The following AKAP6 variants were observed in gnomAD, a reference collection of about 807,000 sequenced individuals.
AKAP6 encodes the protein A-kinase anchor protein 6.
AKAP6 carries 58 observed loss-of-function variants against 188.5 expected under a neutral mutation model. The ratio of observed to expected loss-of-function variants is 0.31; its 90% CI spans 0.25 to 0.38. AKAP6 has a LOEUF of 0.38. AKAP6 is among the 10% of genes least tolerant of loss of function. The probability of loss-of-function intolerance (pLI) is 1.00; values close to 1 mark genes in which losing one functional copy is unlikely to be tolerated. For synonymous variants in AKAP6, 989 were observed against 998.6 expected (o/e 0.99, Z 0.18); for missense variants, 2,710 against 2,740.0 (o/e 0.99, Z 0.24).
At chr14:32,507,441 G>A (rs1032827600) in intron 2 of AKAP6, among the ~76,000 whole-genome samples, 5 of 152,028 alleles carry the variant, frequency 3.3e-5, no homozygotes, top group Non-Finnish European at 7.4e-5. Flanking sequence ...TTAAAATAAG[G>A]GTGTTGGAAA....
At position 32,735,714 on chromosome 14, in the gene AKAP6, A is replaced by C. The variant is rs1391798566; in HGVS notation, c.3204A>C (p.Pro1068=). The change falls in exon 11 of 14, where the codon CCA becomes CCC. Residue 1068 remains proline, a synonymous_variant. Transcript: ENST00000280979. ...TGGCAGGGCACAGTGGGTCGAGTCCACGTGACCTGCTCTCTCCTGAAAGTG... is the reference window on the plus strand; with the variant it reads ...TGGCAGGGCACAGTGGGTCGAGTCCCCGTGACCTGCTCTCTCCTGAAAGTG... The part of the protein sequence containing the change: ...DTMAGHSGSS[P]RDLLSPESGS... The C allele has an allele frequency of 6.2e-7, 1 of 1,613,412 alleles. No individual in the cohort carries two copies. Among genetic ancestry groups the C allele is most frequent in the African/African-American group, 1.3e-5 (1 of 74,844 alleles).
intron 2 of AKAP6, among the ~76,000 whole-genome samples, chr14:32,475,949 C>T (rs1159168538): frequency 6.6e-6 from 1 of 152,036 alleles, no homozygotes; most frequent in African/African-American, 2.4e-5. Flanking sequence ...TCCCAAAGTG[C>T]TGGGATTACA....
chr14:32,590,081 A>G (rs190624268), intron 5 of AKAP6, among the ~76,000 whole-genome samples: 1 of 152,318 alleles, frequency 6.6e-6, no homozygotes, highest in East Asian at 1.9e-4. Flanking sequence ...CCTATTCTAT[A>G]TCTATAGGGT....
intron 2 of AKAP6, among the ~76,000 whole-genome samples, chr14:32,519,678 G>A (rs1196226011): frequency 6.6e-6 from 1 of 152,138 alleles, no homozygotes. Context: ...CAATACAGGA[G>A]TACCCAGATT....
intron 4 of AKAP6, among the ~76,000 whole-genome samples, chr14:32,573,766 C>T (rs963830073): frequency 6.6e-6 from 1 of 152,028 alleles, no homozygotes; most frequent in Non-Finnish European, 1.5e-5. Context: ...TCCTTATTTT[C>T]TTTCATTCAC....
intron 3 of AKAP6, among the ~76,000 whole-genome samples, chr14:32,542,224 G>T (rs890006462): frequency 2.2e-4 from 34 of 152,152 alleles, no homozygotes; most frequent in Non-Finnish European, 2.4e-4. Flanking sequence ...TCGAAACTTG[G>T]GCTTTTAATT....
chr14:32,495,776 G>A (rs1880285056), intron 2 of AKAP6, among the ~76,000 whole-genome samples: 1 of 152,180 alleles, frequency 6.6e-6, no homozygotes, highest in African/African-American at 2.4e-5. Flanking sequence ...TGTTAAGCCT[G>A]TTAGTATATT....
intron 1 of AKAP6, among the ~76,000 whole-genome samples, chr14:32,404,970 A>G (rs559573416): frequency 7.5e-4 from 114 of 151,560 alleles, no homozygotes; most frequent in African/African-American, 2.7e-3. Flanking sequence ...GAGAATGTTG[A>G]GAACTAGCTG....
At chr14:32,725,382 C>T (rs913898770) in intron 9 of AKAP6, among the ~76,000 whole-genome samples, 8 of 152,238 alleles carry the variant, frequency 5.3e-5, no homozygotes, top group African/African-American at 1.7e-4. Context: ...CCCTTGGGCA[C>T]GTCAAAGCTT....
Position 32,829,977 on chromosome 14 carries a change from T to C in AKAP6, c.*172T>C, listed in dbSNP as rs771453141. On this transcript the variant is annotated 3_prime_UTR_variant, in exon 14 of 14. Coordinates refer to ENST00000280979, the MANE Select transcript of AKAP6 (RefSeq NM_004274.5). ...GATGAATCTTCCTTCCAAATGTGTT[T>C]TCTCCACACAAGCCTTGTGATCTGA... 11 of 702,716 alleles carry C rather than the reference T, an allele frequency of 1.6e-5. No individual in the cohort carries two copies. In the South Asian group the frequency reaches 1.6e-4, roughly 10 times the overall value. The allele number at this position is 702,716 out of a possible 1,614,324, so 43.5% of individuals were successfully genotyped here. A position where few individuals can be genotyped will look rare whatever the true frequency, so the allele number is the denominator to read the frequency against.
chr14:32,828,302 G>C (rs1364589208), intron 13 of AKAP6, among the ~76,000 whole-genome samples: 6 of 152,058 alleles, frequency 3.9e-5, no homozygotes, highest in African/African-American at 7.2e-5. Context: ...TGGTCAACTA[G>C]GTTTAAGAAA....
Position 32,830,651 on chromosome 14 carries a change from C to T in AKAP6, c.*846C>T, listed in dbSNP as rs558695164. 30 of 152,676 alleles carry T rather than the reference C, an allele frequency of 2.0e-4. No homozygotes were observed. Among genetic ancestry groups the T allele is most frequent in the African/African-American group, 7.2e-4 (30 of 41,546 alleles). The allele number at this position is 152,676 out of a possible 1,614,324, so 9.5% of individuals were successfully genotyped here. ...CAAGGTTAAGATGTGTGAATAATTT[C>T]TGTATATATGTATAACCAAGTACAA... On this transcript the variant is annotated 3_prime_UTR_variant, in exon 14 of 14. Coordinates refer to ENST00000280979, the MANE Select transcript of AKAP6 (RefSeq NM_004274.5).
Position 32,739,294 on chromosome 14 carries a change from A to G in AKAP6, c.3372+3412A>G, listed in dbSNP as rs546609925. Among the ~76,000 whole-genome samples the G allele has an allele frequency of 9.9e-5, 15 of 152,142 alleles. No homozygotes were observed. The East Asian group carries it at 2.9e-3, about 29-fold the overall frequency. ...TATGGAGCACATGAGTTTTTTTGTT[A>G]CAGACATGCAATGGGTACTAATCAC... On this transcript the variant is annotated intron_variant, in intron 11 of 13. Transcript: ENST00000280979.
chr14:32,664,106 A>C (rs1888818256), intron 7 of AKAP6, among the ~76,000 whole-genome samples: 2 of 152,122 alleles, frequency 1.3e-5, no homozygotes. Context: ...CCTGTCTCTT[A>C]CTTAGAATAT....
At chr14:32,774,739 G>A (rs1464374410) in intron 12 of AKAP6, among the ~76,000 whole-genome samples, 1 of 143,220 alleles carries the variant, frequency 7.0e-6, no homozygotes, top group African/African-American at 3.0e-5. Flanking sequence ...TTATATAAAT[G>A]GAATGCATAC....
At chr14:32,392,125 T>C (rs557562481) in intron 1 of AKAP6, among the ~76,000 whole-genome samples, 1 of 152,288 alleles carries the variant, frequency 6.6e-6, no homozygotes, top group African/African-American at 2.4e-5. Flanking sequence ...GTGAATGGGA[T>C]AGTGAAGGAA....
chr14:32,376,017 G>T (rs1888147142), intron 1 of AKAP6: 1 of 152,152 alleles, frequency 6.6e-6, no homozygotes, highest in African/African-American at 2.4e-5. Context: ...AAAGTATTTT[G>T]TAGATCACTA....
At chr14:32,709,859 T>G (rs547222802) in intron 9 of AKAP6, among the ~76,000 whole-genome samples, 4 of 152,152 alleles carry the variant, frequency 2.6e-5, no homozygotes, top group African/African-American at 9.6e-5. Context: ...AGTTAGAAAA[T>G]TTTTTGGTGC....
At position 32,535,733 on chromosome 14, in the gene AKAP6, T is replaced by A. The variant is rs761552830; in HGVS notation, c.504T>A (p.Gly168=). 4 of 1,614,110 alleles carry A rather than the reference T, an allele frequency of 2.5e-6. No homozygotes were observed. The African/African-American group carries it at 5.3e-5, about 22-fold the overall frequency. The change falls in exon 3 of 14, where the codon GGT becomes GGA. Residue 168 remains glycine (G), a synonymous_variant. Coordinates refer to ENST00000280979, the MANE Select transcript of AKAP6 (RefSeq NM_004274.5). ...TTCTGCGGGAGCGCATTCTGCAAGGTCTGCAGGACGCCAATGGCAACTACA... is the reference window on the plus strand; with the variant it reads ...TTCTGCGGGAGCGCATTCTGCAAGGACTGCAGGACGCCAATGGCAACTACA... ...VLVLRERILQ[G]LQDANGNYTR...
Sources: gnomAD v4.1 joint callset for allele counts (sites outside exome capture counted in the v4.1 genomes callset) on GRCh38, gnomAD v4.1.1 for gene constraint, MANE v1.5 for transcripts, NCBI Gene and HGNC (gene_info 2026-07-23, HGNC 2026-07-21) for gene names.